The following ZDHHC8 variants were observed in gnomAD, a reference collection of about 807,000 sequenced individuals.
ZDHHC8 encodes the protein palmitoyltransferase ZDHHC8.
A neutral mutation model predicts 61.2 loss-of-function variants in ZDHHC8; 24 were observed. That is an observed-to-expected ratio of 0.39 (90% CI 0.28 to 0.55). The LOEUF is 0.55. Among genes scored for constraint, ZDHHC8 ranks in the 20% least tolerant of loss-of-function variants. The pLI is 0.60. For missense variants in ZDHHC8, 935 were observed against 1,102.1 expected, an observed-to-expected ratio of 0.85 and a Z score of 2.15; for synonymous variants, 523 against 492.5, an observed-to-expected ratio of 1.06 and a Z score of -0.82.
intron 1 of ZDHHC8, among the ~76,000 whole-genome samples, chr22:20,138,338 A>G (rs2050438800): frequency 6.6e-6 from 1 of 152,162 alleles, no homozygotes; most frequent in African/African-American, 2.4e-5. Flanking sequence ...CTGAGGCCAG[A>G]GGGGCTTCTT....
Position 20,142,767 on chromosome 22 carries a change from T to C in ZDHHC8, c.1137T>C (p.Pro379=). The change falls in exon 10 of 11, where the codon CCT becomes CCC. Residue 379 remains proline (P), a synonymous_variant. Transcript: ENST00000334554. ...FCGPGEQVPG[P]DSLTLGDDSI... ...CCTTCTCCCTACAGGTTCCAGGCCC[T>C]GATTCCCTGACCCTGGGGGACGACA... The C allele has an allele frequency of 6.2e-7, 1 of 1,612,510 alleles. No homozygotes were observed. The highest frequency in any genetic ancestry group is 8.5e-7 in the Non-Finnish European group (1 of 1,179,914).
In ZDHHC8 at chr22:20,139,895, A is replaced by G; in HGVS notation, c.557+3A>G. The G allele has an allele frequency of 6.2e-7, 1 of 1,611,380 alleles. No homozygotes were observed. The highest frequency in any genetic ancestry group is 8.5e-7 in the Non-Finnish European group (1 of 1,179,568). On this transcript the variant is annotated splice_donor_region_variant and intron_variant, in intron 4 of 10. Transcript: ENST00000334554. ...GGAGCCGCGCACACCACCATCACGT[A>G]TCCTTGGTTCCTGTGGGCCTCATTG...
chr22:20,143,546 C>T lies in ZDHHC8; in HGVS notation c.1916C>T (p.Pro639Leu), dbSNP rs757863654. 4.6e-5 allele frequency: 73 copies of T among 1,596,438 alleles called. No individual in the cohort carries two copies. The highest frequency in any genetic ancestry group is 5.5e-5 in the Non-Finnish European group (65 of 1,175,700). ...CTGTCCAGCTCCGTGAGCCGTGCAC[C>T]GCGGACGTCGTCCTCCTCCCTGCAG... ...SSLSSSVSRA[P>L]RTSSSSLQAD... Residue 639 changes from proline to leucine, a missense_variant, in exon 10 of 11, where the codon CCG becomes CTG. Coordinates refer to ENST00000334554, the MANE Select transcript of ZDHHC8 (RefSeq NM_013373.4).
At position 20,146,887 on chromosome 22, in the gene ZDHHC8, G is replaced by A; in HGVS notation, c.*1487G>A. On this transcript the variant is annotated 3_prime_UTR_variant, in exon 11 of 11. Coordinates refer to ENST00000334554, the MANE Select transcript of ZDHHC8 (RefSeq NM_013373.4). Reference sequence around the variant, plus strand: ...GCCAGGGGCAGGGCTGAGGGAGTGTGAGGGATGCACAGCTGTTCAGGGCTG... The same window carrying A: ...GCCAGGGGCAGGGCTGAGGGAGTGTAAGGGATGCACAGCTGTTCAGGGCTG... 1 of 1,288,092 alleles carries A rather than the reference G, an allele frequency of 7.8e-7. No individual in the cohort carries two copies. Among genetic ancestry groups the A allele is most frequent in the Non-Finnish European group, 9.8e-7 (1 of 1,019,380 alleles). The allele number at this position is 1,288,092 out of a possible 1,614,324, so 79.8% of individuals were successfully genotyped here.
chr22:20,134,058 G>A (rs2050400859), intron 1 of ZDHHC8, among the ~76,000 whole-genome samples: 1 of 152,232 alleles, frequency 6.6e-6, no homozygotes, highest in African/African-American at 2.4e-5. Context: ...GCAGTCTTGA[G>A]GTATGGGGTT....
At chr22:20,141,939 G>A (rs1284035224) in intron 9 of ZDHHC8, among the ~76,000 whole-genome samples, 2 of 152,384 alleles carry the variant, frequency 1.3e-5, no homozygotes, top group East Asian at 3.9e-4. Flanking sequence ...AAGAATTTGA[G>A]ACGTGCTTGA....
chr22:20,135,106 A>AT (rs1555885103), intron 1 of ZDHHC8, among the ~76,000 whole-genome samples: 2 of 151,190 alleles, frequency 1.3e-5, no homozygotes, highest in Admixed American at 6.6e-5. Flanking sequence ...TAATTTATTT[A>AT]TTTTTTGTTT....
rs146960839 is a variant in ZDHHC8, at chr22:20,145,338, C to T, written c.2236C>T (p.Arg746Trp). 186 of 1,595,902 alleles carry T rather than the reference C, an allele frequency of 1.2e-4. No homozygotes were observed. In the East Asian group the frequency reaches 1.7e-3, roughly 15 times the overall value. ...GPPGPSASPTRHTLVKKVSGV... is the reference protein window; with the variant it reads ...GPPGPSASPTWHTLVKKVSGV... ...CCCAGGGCCCTCTGCCAGCCCTACA[C>T]GGCACACGCTGGTTAAGAAGGTGTC... Residue 746 changes from arginine (R) to tryptophan (W), a missense_variant, in exon 11 of 11, where the codon CGG becomes TGG. By Grantham distance (101) the Arg-to-Trp change is moderately radical. Around this residue, in one of 3 missense-constraint regions of ZDHHC8, gnomAD observed 692 missense variants for 731.4 expected, o/e 0.95. Transcript: ENST00000334554.
intron 10 of ZDHHC8, 61 bp from the exon 11 acceptor site, chr22:20,145,168 C>G: frequency 7.4e-7 from 1 of 1,354,270 alleles, no homozygotes; most frequent in Non-Finnish European, 9.7e-7. Flanking sequence ...CTCCTCCGTC[C>G]TCTGTCCCCG....
At chr22:20,139,167 ACT>A (rs1319550395) in intron 1 of ZDHHC8, 25 bp from the exon 2 acceptor site, 3 of 1,606,058 alleles carry the variant, frequency 1.9e-6, no homozygotes, top group Non-Finnish European at 2.5e-6. Context: ...CCCAGACTCC[ACT>A]CTCTGCCCCC....
In ZDHHC8 at chr22:20,142,878, A is replaced by G. The variant is rs1602574173; in HGVS notation, c.1248A>G (p.Pro416=). 6.2e-7 allele frequency: 1 copy of G among 1,612,082 alleles called. No homozygotes were observed. The highest frequency in any genetic ancestry group is 1.3e-5 in the African/African-American group (1 of 75,028). ...GPGGLHAAYP[P]SPPLSASDAF... is the part of the protein sequence containing the mutation. ...GGGGCCTGCATGCAGCCTACCCGCC[A>G]TCCCCACCGCTCAGCGCCTCTGATG... Residue 416 remains proline, a synonymous_variant, in exon 10 of 11, where the codon CCA becomes CCG. Transcript: ENST00000334554.
At position 20,144,781 on chromosome 22, in the gene ZDHHC8, A is replaced by G. The variant is rs1602577078; in HGVS notation, c.2127-448A>G. On this transcript the variant is annotated intron_variant, in intron 10 of 10. Coordinates refer to ENST00000334554, the MANE Select transcript of ZDHHC8 (RefSeq NM_013373.4). ...TCGCCTCAAGAAGGTTTAAGTAGCA[A>G]AGATACAGCTGCTGTTGGTCAGCGC... Among the ~76,000 whole-genome samples, 3 of 152,228 alleles carry G rather than the reference A, an allele frequency of 2.0e-5. No individual in the cohort carries two copies. In the East Asian group the frequency reaches 5.8e-4, roughly 29 times the overall value.
At position 20,143,366 on chromosome 22, in the gene ZDHHC8, A is replaced by G. The variant is rs1465456472; in HGVS notation, c.1736A>G (p.Tyr579Cys). 2 of 1,585,218 alleles carry G rather than the reference A, an allele frequency of 1.3e-6. No homozygotes were observed. Among genetic ancestry groups the G allele is most frequent in the Admixed American group, 1.8e-5 (1 of 56,626 alleles). Residue 579 changes from tyrosine (Y) to cysteine (C), a missense_variant, in exon 10 of 11, where the codon TAT (tyrosine) becomes TGT (cysteine). Physicochemically the swap from Tyr to Cys is radical, Grantham distance 194. This residue lies in a region of ZDHHC8 where 692 missense variants were observed against 731.4 expected (regional missense o/e 0.95). Coordinates refer to ENST00000334554, the MANE Select transcript of ZDHHC8 (RefSeq NM_013373.4). ...TCACTCTTCGGCGACTCAGGCGTCT[A>G]TGACGCTCCCAGCTCCTACAGCCTG... ...ADSLFGDSGV[Y>C]DAPSSYSLQQ...
At chr22:20,139,417 G>T in intron 2 of ZDHHC8, 61 bp from the exon 3 acceptor site, 1 of 1,605,382 alleles carries the variant, frequency 6.2e-7, no homozygotes, top group Non-Finnish European at 8.5e-7. Flanking sequence ...TGGACTTGGG[G>T]GAGGGATTCA....
At chr22:20,136,361 C>T (rs916550730) in intron 1 of ZDHHC8, among the ~76,000 whole-genome samples, 1 of 152,252 alleles carries the variant, frequency 6.6e-6, no homozygotes, top group African/African-American at 2.4e-5. Context: ...TGAGCATCCA[C>T]ACATGGCCTC....
At chr22:20,132,509 A>T (rs1376615056) in intron 1 of ZDHHC8, among the ~76,000 whole-genome samples, 5 of 152,308 alleles carry the variant, frequency 3.3e-5, no homozygotes, top group African/African-American at 1.2e-4. Context: ...AGTTGTTCCC[A>T]CGTAGGTGTG....
chr22:20,142,910 C>A lies in ZDHHC8; in HGVS notation c.1280C>A (p.Ser427Ter). 6.2e-7 allele frequency: 1 copy of A among 1,609,450 alleles called. No homozygotes were observed. The highest frequency in any genetic ancestry group is 8.5e-7 in the Non-Finnish European group (1 of 1,178,268). ...SPPLSASDAF[S>*]GALRSLSLKA... ...CCGCTCAGCGCCTCTGATGCCTTCT[C>A]GGGCGCTTTGCGCTCCCTGAGCCTC... The change falls in exon 10 of 11, where the codon TCG (serine) becomes TAG (stop). Residue 427 changes from serine (S) to a stop codon, truncating the protein, a stop_gained. Coordinates refer to ENST00000334554, the MANE Select transcript of ZDHHC8 (RefSeq NM_013373.4). LOFTEE classifies it high-confidence loss of function.
rs2050455595 is a variant in ZDHHC8 at position 20,140,169 on chromosome 22, T to C, written c.612T>C (p.Thr204=). The C allele has an allele frequency of 6.2e-7, 1 of 1,613,472 alleles. No individual in the cohort carries two copies. The highest frequency in any genetic ancestry group is 8.5e-7 in the Non-Finnish European group (1 of 1,179,970). Residue 204 remains threonine (T), a synonymous_variant, in exon 5 of 11, where the codon ACT becomes ACC. Transcript: ENST00000334554. The part of the protein sequence containing the change: ...GLFFIPVIGL[T]GFHVVLVTRG... The stretch of plus-strand genomic sequence containing the variant: ...TCTTCATCCCTGTCATTGGCCTCAC[T>C]GGCTTCCATGTGGTGCTGGTCACTC...
Position 20,143,130 on chromosome 22 carries a change from C to T in ZDHHC8, c.1500C>T (p.Gly500=), listed in dbSNP as rs768500244. 6.2e-6 allele frequency: 10 copies of T among 1,612,018 alleles called. No individual in the cohort carries two copies. The highest frequency in any genetic ancestry group is 2.2e-5 in the East Asian group (1 of 44,856). ...CCTGCCCTGCCCACCCAGCAGTTGG[C>T]GTGGCCGGATACCACTCACCCTACC... ...GHACPAHPAV[G]VAGYHSPYLH... Residue 500 remains glycine, a synonymous_variant, in exon 10 of 11, where the codon GGC becomes GGT. Coordinates refer to ENST00000334554, the MANE Select transcript of ZDHHC8 (RefSeq NM_013373.4).
Sources: allele counts gnomAD v4.1 joint callset (sites outside exome capture counted in the v4.1 genomes callset), GRCh38; gene constraint gnomAD v4.1.1; regional missense constraint gnomAD v4.1.1; transcripts MANE v1.5; gene names NCBI Gene and HGNC (gene_info 2026-07-23, HGNC 2026-07-21).